Variants in ABCG2 observed in about 807,000 individuals in gnomAD.
ABCG2 encodes broad substrate specificity ATP-binding cassette transporter ABCG2.
A neutral mutation model predicts 73.5 loss-of-function variants in ABCG2; 80 were observed. The ratio of observed to expected loss-of-function variants is 1.09; its 90% CI spans 0.91 to 1.31. The LOEUF is 1.31. Ranked by LOEUF, ABCG2 falls within the 50% of genes most tolerant of loss-of-function variation. The pLI, the probability that ABCG2 is intolerant of heterozygous loss-of-function variation, is 0.00. For missense variants in ABCG2, 796 were observed against 786.2 expected (o/e 1.01, Z -0.15); for synonymous variants, 269 against 282.4 (o/e 0.95, Z 0.48).
chr4:88,146,649 C>T (rs1726025688), intron 1 of ABCG2, among the ~76,000 whole-genome samples: 1 of 152,148 alleles, frequency 6.6e-6, no homozygotes, highest in Non-Finnish European at 1.5e-5. Context: ...CTGCCTCAGC[C>T]TCCCAAAGTG....
chr4:88,203,113 GT>G (rs1400020869), intron 1 of ABCG2, among the ~76,000 whole-genome samples: 2 of 152,128 alleles, frequency 1.3e-5, no homozygotes, highest in African/African-American at 4.8e-5. Context: ...CACAATGCCA[GT>G]TTAATGGGGT....
chr4:88,158,682 A>T (rs368312775), upstream of ABCG2: 1 of 456,086 alleles, frequency 2.2e-6, no homozygotes, highest in Non-Finnish European at 4.4e-6. Context: ...GAGTGGGCAC[A>T]GCACGCAGCC....
In ABCG2 at chr4:88,132,461, C is replaced by T. The variant is rs562779529; in HGVS notation, c.263+115G>A. 4.5e-6 allele frequency: 5 copies of T among 1,106,804 alleles called. No individual in the cohort carries two copies. In the African/African-American group the frequency reaches 4.6e-5, roughly 10 times the overall value. 68.6% of individuals were successfully genotyped at this position (1,106,804 alleles called of 1,614,324 possible). On this transcript the variant is annotated intron_variant, in intron 3 of 15. Coordinates refer to ENST00000237612, the MANE Select transcript of ABCG2 (RefSeq NM_004827.3). ...GTTATCCACAGCACCTAGAACCAGA[C>T]CTGACATGCGTTGCAAATGCTCAAT...
At chr4:88,126,463 A>T (rs1026456346) in intron 5 of ABCG2, among the ~76,000 whole-genome samples, 1 of 152,210 alleles carries the variant, frequency 6.6e-6, no homozygotes, top group South Asian at 2.1e-4. Context: ...AACCTGGCAG[A>T]GACACAACAA....
At chr4:88,225,990 C>T (rs1465789494) in intron 1 of ABCG2, among the ~76,000 whole-genome samples, 1 of 152,110 alleles carries the variant, frequency 6.6e-6, no homozygotes, top group East Asian at 1.9e-4. Context: ...AAACTGCCCC[C>T]ATGATTCAAT....
Position 88,105,276 on chromosome 4 carries a change from A to C in ABCG2, c.1277+1908T>G, listed in dbSNP as rs2725263. ...AATAATCAGCCTTTCCAGACATCAA[A>C]ATAGGCTGCACATAAGCGTCTTCAA... is the stretch of plus-strand genomic sequence containing the variant. On this transcript the variant is annotated intron_variant, in intron 10 of 15. Transcript: ENST00000237612. 0.44 allele frequency among the ~76,000 whole-genome samples: 66,909 copies of C among 152,044 alleles called. 16,624 individuals carry two copies. The highest frequency in any genetic ancestry group is 0.57 in the East Asian group (2,925 of 5,174).
intron 5 of ABCG2, among the ~76,000 whole-genome samples, chr4:88,126,670 C>T (rs567624774): frequency 2.0e-3 from 302 of 152,242 alleles, no homozygotes; most frequent in African/African-American, 6.4e-3. Context: ...GAACAAATGA[C>T]GAAAACCACA....
intron 1 of ABCG2, among the ~76,000 whole-genome samples, chr4:88,141,657 T>TA (rs899353583): frequency 1.3e-5 from 2 of 152,148 alleles, no homozygotes; most frequent in Admixed American, 1.3e-4. Context: ...AAATTTTCAA[T>TA]AAAAAATTGC....
At chr4:88,158,744 C>A, upstream of ABCG2, 1 of 398,798 alleles carries the variant, frequency 2.5e-6, no homozygotes, top group Non-Finnish European at 4.9e-6. Flanking sequence ...CCCGAGCGCT[C>A]CCCTCGCGCG....
At chr4:88,138,276 A>G (rs759632080) in intron 2 of ABCG2, among the ~76,000 whole-genome samples, 1 of 152,146 alleles carries the variant, frequency 6.6e-6, no homozygotes, top group East Asian at 1.9e-4. Flanking sequence ...TTTTTTTTCC[A>G]TAAGATCTTC....
intron 6 of ABCG2, 146 bp from the exon 7 acceptor site, chr4:88,118,406 A>G: frequency 1.2e-6 from 1 of 810,862 alleles, no homozygotes; most frequent in Non-Finnish European, 1.9e-6. Flanking sequence ...TTATTTAGCT[A>G]TAGTTAGCAA....
intron 1 of ABCG2, among the ~76,000 whole-genome samples, chr4:88,164,426 T>G (rs1357711552): frequency 6.6e-6 from 1 of 152,166 alleles, no homozygotes; most frequent in Non-Finnish European, 1.5e-5. Context: ...TGGGAGGTAA[T>G]CGAATCACAG....
At chr4:88,209,775 G>A (rs1430177538) in intron 1 of ABCG2, among the ~76,000 whole-genome samples, 3 of 152,196 alleles carry the variant, frequency 2.0e-5, no homozygotes, top group Non-Finnish European at 2.9e-5. Context: ...CAGGGGTTGT[G>A]TTGGTGTTGG....
intron 1 of ABCG2, among the ~76,000 whole-genome samples, chr4:88,196,078 G>A (rs1222330952): frequency 2.6e-5 from 4 of 152,120 alleles, no homozygotes; most frequent in Non-Finnish European, 5.9e-5. Flanking sequence ...TGCAGAGCCA[G>A]TGTAACAACT....
intron 1 of ABCG2, among the ~76,000 whole-genome samples, chr4:88,165,789 G>A (rs113668359): frequency 2.6e-5 from 4 of 151,982 alleles, no homozygotes; most frequent in African/African-American, 4.8e-5. Context: ...CAGGAGAATC[G>A]CTTGAACCCG....
chr4:88,200,956 TA>T (rs2110114497), intron 1 of ABCG2, among the ~76,000 whole-genome samples: 1 of 151,630 alleles, frequency 6.6e-6, no homozygotes, highest in Non-Finnish European at 1.5e-5. Context: ...GCAATTGCAA[TA>T]AAAGGGAAAT....
intron 1 of ABCG2, among the ~76,000 whole-genome samples, chr4:88,141,553 T>C (rs1725643174): frequency 6.6e-6 from 1 of 152,190 alleles, no homozygotes; most frequent in Non-Finnish European, 1.5e-5. Flanking sequence ...GCTCTGGGAA[T>C]GTGGACAAAC....
intron 8 of ABCG2, 77 bp from the exon 9 acceptor site, chr4:88,113,630 C>T (rs1262508590): frequency 1.3e-6 from 2 of 1,534,064 alleles, no homozygotes; most frequent in Non-Finnish European, 1.8e-6. Context: ...TGAACCCTTT[C>T]TTGGATGCTT....
rs746507623 is a variant in ABCG2 at position 88,131,094 on chromosome 4, T to C, written c.498A>G (p.Gln166=). Residue 166 remains glutamine, a synonymous_variant, in exon 5 of 16, where the codon CAA becomes CAG. Transcript: ENST00000237612. The part of the protein sequence containing the change: ...EKNERINRVI[Q]ELGLDKVADS... Reference sequence around the variant, plus strand: ...CTGCCACTTTATCCAGACCTAACTCTTGAATGACCCTGTTAATCCGTTCGT... The same window carrying C: ...CTGCCACTTTATCCAGACCTAACTCCTGAATGACCCTGTTAATCCGTTCGT... The C allele has an allele frequency of 5.6e-6, 9 of 1,614,088 alleles. No individual in the cohort carries two copies. The highest frequency in any genetic ancestry group is 1.7e-5 in the Admixed American group (1 of 60,020).
Sources: gnomAD v4.1 joint callset for allele counts (sites outside exome capture counted in the v4.1 genomes callset) on GRCh38, gnomAD v4.1.1 for gene constraint, MANE v1.5 for transcripts, NCBI Gene and HGNC (gene_info 2026-07-23, HGNC 2026-07-21) for gene names.